Variants in FCGRT observed in about 807,000 individuals in gnomAD.
FCGRT encodes the protein Fc gamma receptor and transporter.
Under a neutral mutation model 35.7 loss-of-function variants are expected in FCGRT, and 13 were observed. The ratio of observed to expected loss-of-function variants is 0.36; its 90% CI spans 0.24 to 0.58. FCGRT has a LOEUF of 0.58. Among genes scored for constraint, FCGRT ranks in the 20% least tolerant of loss-of-function variants. The probability of loss-of-function intolerance (pLI) is 0.77; values close to 1 mark genes in which losing one functional copy is unlikely to be tolerated. For synonymous variants in FCGRT, 233 were observed against 216.5 expected, an observed-to-expected ratio of 1.08 and a Z score of -0.67; for missense variants, 455 against 474.9, an observed-to-expected ratio of 0.96 and a Z score of 0.39.
intron 4 of FCGRT, among the ~76,000 whole-genome samples, chr19:49,523,349 A>G (rs1236179623): frequency 6.6e-6 from 1 of 152,052 alleles, no homozygotes; most frequent in Non-Finnish European, 1.5e-5. Flanking sequence ...CAGGTAGATC[A>G]CAATGTCAGG....
chr19:49,520,130 C>CTTTTTTTTTTTT (rs952631701), intron 4 of FCGRT, among the ~76,000 whole-genome samples: 3 of 99,518 alleles, frequency 3.0e-5, no homozygotes, highest in African/African-American at 4.1e-5. Context: ...CGCGCCCGGG[C>CTTTTTTTTTTTT]TTTTTTTTTT....
intron 1 of FCGRT, 25 bp downstream of exon 1, chr19:49,512,775 G>C (rs886149613): frequency 2.6e-5 from 4 of 156,392 alleles, no homozygotes; most frequent in African/African-American, 7.2e-5. Context: ...GCCCGACTGA[G>C]GGAGGAGGGG....
In FCGRT at chr19:49,526,059, C is replaced by A. The variant is rs773190822; in HGVS notation, c.1038C>A (p.Thr346=). The change falls in exon 7 of 7, where the codon ACC becomes ACA. Residue 346 remains threonine, a synonymous_variant. Coordinates refer to ENST00000221466, the MANE Select transcript of FCGRT (RefSeq NM_001136019.3). ...RGDDTGVLLP[T]PGEAQDADLK... is the part of the protein sequence containing the mutation. ...ACGACACCGGGGTCCTCCTGCCCAC[C>A]CCAGGGGAGGCCCAGGATGCTGATT... 6.8e-6 allele frequency: 11 copies of A among 1,613,664 alleles called. No individual in the cohort carries two copies. The Admixed American group carries it at 1.0e-4, about 15-fold the overall frequency.
At chr19:49,514,725 C>T (rs2079997309) in intron 4 of FCGRT, among the ~76,000 whole-genome samples, 1 of 149,294 alleles carries the variant, frequency 6.7e-6, no homozygotes, top group Non-Finnish European at 1.5e-5. Context: ...CGGAGTTTCG[C>T]TCTTGTTGCC....
intron 4 of FCGRT, chr19:49,515,035 C>T (rs1481788608): frequency 6.6e-6 from 1 of 151,332 alleles, no homozygotes; most frequent in Non-Finnish European, 1.5e-5. Flanking sequence ...GCTCTGTCAC[C>T]CCAGGCTGGA....
intron 4 of FCGRT, chr19:49,516,099 C>T (rs1338614492): frequency 2.3e-6 from 1 of 442,190 alleles, no homozygotes; most frequent in African/African-American, 2.0e-5. Flanking sequence ...CACATTCACC[C>T]TCTGTGGCTC....
intron 5 of FCGRT, chr19:49,524,983 C>T (rs1432325204): frequency 5.8e-6 from 4 of 692,802 alleles, no homozygotes; most frequent in African/African-American, 5.2e-5. Context: ...CTGCTTCTGG[C>T]CTCACTGAGT....
Position 49,524,790 on chromosome 19 carries a change from A to G in FCGRT, c.871+14A>G. On this transcript the variant is annotated intron_variant, in intron 5 of 6. Transcript: ENST00000221466. The stretch of plus-strand genomic sequence containing the variant: ...GGGTGGAGCTGGGTGAGGTCCCGCC[A>G]GGTGGTGATGCTCCTGGTTTCCCGT... The G allele has an allele frequency of 5.0e-6, 8 of 1,596,572 alleles. No homozygotes were observed. Among genetic ancestry groups the G allele is most frequent in the Non-Finnish European group, 5.9e-6 (7 of 1,178,234 alleles).
In FCGRT at chr19:49,525,657, C is replaced by A. The variant is rs573114282; in HGVS notation, c.988+84C>A. 284 of 935,590 alleles carry A rather than the reference C, an allele frequency of 3.0e-4. 6 individuals are homozygous for A. In the South Asian group the frequency reaches 3.8e-3, roughly 12 times the overall value. 58.0% of individuals were successfully genotyped at this position (935,590 alleles called of 1,614,324 possible). On this transcript the variant is annotated intron_variant, in intron 6 of 6. Coordinates refer to ENST00000221466, the MANE Select transcript of FCGRT (RefSeq NM_001136019.3). ...CACACAGACCTGGGAGGACAGAGAC[C>A]CAGAGAGGGGGGACAGAGATCAGAG...
intron 4 of FCGRT, among the ~76,000 whole-genome samples, chr19:49,518,772 T>G (rs1361940195): frequency 6.6e-6 from 1 of 151,910 alleles, no homozygotes; most frequent in African/African-American, 2.4e-5. Flanking sequence ...CGACCCCAGG[T>G]GATCCACCCA....
intron 4 of FCGRT, among the ~76,000 whole-genome samples, chr19:49,519,171 T>G (rs1298194081): frequency 6.6e-6 from 1 of 152,212 alleles, no homozygotes; most frequent in Non-Finnish European, 1.5e-5. Context: ...GATAGGTGTT[T>G]TGCAAATATT....
chr19:49,526,000 C>G lies in FCGRT; in HGVS notation c.989-10C>G. On this transcript the variant is annotated splice_polypyrimidine_tract_variant and intron_variant, in intron 6 of 6. Transcript: ENST00000221466. The stretch of plus-strand genomic sequence containing the variant: ...ATTCTGATGACCTCTCCCTCTCTCT[C>G]TCTCCTCAGCCCCTTGGATCTCCCT... 6.4e-7 allele frequency: 1 copy of G among 1,568,578 alleles called. No homozygotes were observed.
intron 2 of FCGRT, 170 bp from the exon 3 acceptor site, chr19:49,513,712 T>TTG: frequency 5.3e-6 from 3 of 567,108 alleles, no homozygotes; most frequent in Non-Finnish European, 5.9e-6. Context: ...TCTGGGTCTC[T>TTG]TGTCTCTCTC....
chr19:49,522,768 CTCTTTTTT>C (rs1254606822), intron 4 of FCGRT, among the ~76,000 whole-genome samples: 6 of 120,228 alleles, frequency 5.0e-5, no homozygotes, highest in African/African-American at 1.9e-4. Flanking sequence ...GCCTTAAGCT[CTCTTTTTT>C]TTTTTTTTTT....
At chr19:49,513,842 C>G (rs2079989476) in intron 2 of FCGRT, 40 bp from the exon 3 acceptor site, 1 of 1,528,770 alleles carries the variant, frequency 6.5e-7, no homozygotes, top group African/African-American at 1.4e-5. Flanking sequence ...AGTCTAGTTC[C>G]CCGCCCGTGT....
chr19:49,522,061 A>G (rs1047105871), intron 4 of FCGRT, among the ~76,000 whole-genome samples: 3 of 151,790 alleles, frequency 2.0e-5, no homozygotes, highest in African/African-American at 7.3e-5. Flanking sequence ...TACATTTTAT[A>G]AAGTTTATGA....
At chr19:49,517,982 C>T (rs1271457713) in intron 4 of FCGRT, among the ~76,000 whole-genome samples, 1 of 152,092 alleles carries the variant, frequency 6.6e-6, no homozygotes, top group Non-Finnish European at 1.5e-5. Flanking sequence ...TAAGCCACCG[C>T]GCCTGGCCAA....
At chr19:49,518,737 G>A (rs140680731) in intron 4 of FCGRT, among the ~76,000 whole-genome samples, 8 of 152,082 alleles carry the variant, frequency 5.3e-5, no homozygotes, top group African/African-American at 1.9e-4. Flanking sequence ...GTTTCACCAT[G>A]TTGGCCAGGC....
At chr19:49,513,126 TGGGGCCTGAG>T (rs2079983068) in intron 1 of FCGRT, 1 of 119,656 alleles carries the variant, frequency 8.4e-6, no homozygotes, top group South Asian at 8.3e-4. Context: ...GAGGAGGGGC[TGGGGCCTGAG>T]GGGGGCGGAA....
Sources: allele counts gnomAD v4.1 joint callset (sites outside exome capture counted in the v4.1 genomes callset), GRCh38; gene constraint gnomAD v4.1.1; transcripts MANE v1.5; gene names NCBI Gene and HGNC (gene_info 2026-07-23, HGNC 2026-07-21).